Variants in CCDC77 observed in about 807,000 individuals in gnomAD.
The protein encoded by CCDC77 is coiled-coil domain-containing protein 77.
A neutral mutation model predicts 66.8 loss-of-function variants in CCDC77; 56 were observed. The observed-to-expected ratio is 0.84, with a 90% CI of 0.68 to 1.05. The LOEUF is 1.05. Among genes scored for constraint, CCDC77 ranks in the 50% least tolerant of loss-of-function variants. The pLI is 0.00. For missense variants in CCDC77, 570 were observed against 576.8 expected, an observed-to-expected ratio of 0.99 and a Z score of 0.12; for synonymous variants, 196 against 195.2, an observed-to-expected ratio of 1.00 and a Z score of -0.03.
At chr12:411,096 T>C (rs1450687672) in intron 3 of CCDC77, among the ~76,000 whole-genome samples, 1 of 152,136 alleles carries the variant, frequency 6.6e-6, no homozygotes, top group Non-Finnish European at 1.5e-5. Context: ...CTAACATGTA[T>C]TTTGAATCCA....
At chr12:412,515 A>AG (rs1945132837) in intron 4 of CCDC77, among the ~76,000 whole-genome samples, 2 of 152,078 alleles carry the variant, frequency 1.3e-5, no homozygotes, top group African/African-American at 4.8e-5. Flanking sequence ...CTTTGTTGTG[A>AG]GGGGTTGTCC....
Position 407,276 on chromosome 12 carries a change from A to C in CCDC77, c.-17+1712A>C, listed in dbSNP as rs117478956. 1.9e-4 allele frequency among the ~76,000 whole-genome samples: 29 copies of C among 152,130 alleles called. No individual in the cohort carries two copies. The East Asian group carries it at 2.7e-3, about 14-fold the overall frequency. Reference sequence around the variant, plus strand: ...TGGGTCGTGTGTGGCATGTAAGACAAAGAGAGGAGTAAAATTTCTTAAACC... The same window carrying C: ...TGGGTCGTGTGTGGCATGTAAGACACAGAGAGGAGTAAAATTTCTTAAACC... On this transcript the variant is annotated intron_variant, in intron 2 of 12. Transcript: ENST00000239830.
chr12:398,700 A>T (rs573615815), upstream of CCDC77, among the ~76,000 whole-genome samples: 3 of 151,826 alleles, frequency 2.0e-5, no homozygotes, highest in South Asian at 6.3e-4. Context: ...GTTATTATTG[A>T]TATTGACCTC....
intron 5 of CCDC77, 81 bp from the exon 6 acceptor site, chr12:428,685 ATAG>A (rs1945583785): frequency 1.1e-5 from 10 of 885,152 alleles, no homozygotes; most frequent in Non-Finnish European, 1.6e-5. Flanking sequence ...TAAAAAAAAA[ATAG>A]AAGGGAGATC....
chr12:428,715 G>A (rs1945584575), intron 5 of CCDC77, 54 bp from the exon 6 acceptor site: 3 of 1,215,952 alleles, frequency 2.5e-6, no homozygotes, highest in East Asian at 5.0e-5. Context: ...ACAGAAAAAG[G>A]TTACTTACTT....
intron 5 of CCDC77, among the ~76,000 whole-genome samples, chr12:428,151 C>T (rs557576797): frequency 6.8e-4 from 104 of 152,204 alleles, no homozygotes; most frequent in African/African-American, 2.3e-3. Flanking sequence ...GCAGAATGAG[C>T]CCATCAGCCC....
rs149071409 is a variant in CCDC77, at chr12:426,154, C to T, written c.414-2615C>T. Among the ~76,000 whole-genome samples, 773 of 152,298 alleles carry T rather than the reference C, an allele frequency of 5.1e-3. 5 individuals are homozygous for T. Among genetic ancestry groups the T allele is most frequent in the African/African-American group, 0.015 (641 of 41,568 alleles). On this transcript the variant is annotated intron_variant, in intron 5 of 12. Transcript: ENST00000239830. ...CTGGGATTACAGGTGTGAGCTACCG[C>T]GCCCAGCCCAGATTCTTTTATACTG... is the stretch of plus-strand genomic sequence containing the variant.
At chr12:423,494 G>GTTTTTTTTTTTT (rs56233976) in intron 5 of CCDC77, among the ~76,000 whole-genome samples, 1 of 35,420 alleles carries the variant, frequency 2.8e-5, no homozygotes, top group African/African-American at 1.2e-4. Flanking sequence ...TTTTTGTTTT[G>GTTTTTTTTTTTT]TTTTTTTTTT....
Position 433,162 on chromosome 12 carries a change from TGGCC to T in CCDC77, c.673-11_673-8del. ...TAGGGCTGGATTCCTCACCCCTTTTTGGCCTGTCTAGGTGGAAGCACTGCAGGCT... is the reference window on the plus strand; with the variant it reads ...TAGGGCTGGATTCCTCACCCCTTTTTTGTCTAGGTGGAAGCACTGCAGGCT... On this transcript the variant is annotated splice_polypyrimidine_tract_variant and splice_region_variant and intron_variant, in intron 8 of 12. Coordinates refer to ENST00000239830, the MANE Select transcript of CCDC77 (RefSeq NM_032358.4). The T allele has an allele frequency of 1.2e-6, 2 of 1,605,444 alleles. No homozygotes were observed. Among genetic ancestry groups the T allele is most frequent in the African/African-American group, 1.3e-5 (1 of 74,404 alleles).
intron 5 of CCDC77, among the ~76,000 whole-genome samples, chr12:428,198 A>C (rs1945570298): frequency 6.6e-6 from 1 of 152,090 alleles, no homozygotes; most frequent in Non-Finnish European, 1.5e-5. Context: ...CTCAGCAGCC[A>C]CTACCATTCC....
intron 4 of CCDC77, among the ~76,000 whole-genome samples, chr12:414,867 T>TGTA (rs1945192476): frequency 6.6e-6 from 1 of 152,196 alleles, no homozygotes; most frequent in Admixed American, 6.5e-5. Context: ...ACTGTGACGG[T>TGTA]GTCCTCCTTG....
intron 5 of CCDC77, among the ~76,000 whole-genome samples, chr12:422,521 A>G (rs558576735): frequency 6.6e-6 from 1 of 152,360 alleles, no homozygotes; most frequent in South Asian, 2.1e-4. Flanking sequence ...AAGTGGAATC[A>G]TACAGTATTT....
intron 1 of CCDC77, among the ~76,000 whole-genome samples, chr12:394,296 T>C (rs1944799025): frequency 6.6e-6 from 1 of 152,228 alleles, no homozygotes; most frequent in Admixed American, 6.5e-5. Flanking sequence ...TCTTCTTACT[T>C]CATCGCACAG....
At chr12:391,316 G>A (rs1405602250) in intron 1 of CCDC77, among the ~76,000 whole-genome samples, 3 of 152,116 alleles carry the variant, frequency 2.0e-5, no homozygotes, top group African/African-American at 7.2e-5. Flanking sequence ...TAGCCCAGGC[G>A]TGGTGGCAGG....
At chr12:438,652 C>A in intron 10 of CCDC77, 98 bp downstream of exon 10, 2 of 887,946 alleles carry the variant, frequency 2.3e-6, no homozygotes, top group Non-Finnish European at 3.5e-6. Flanking sequence ...CCATTCAGTC[C>A]AGGAAGCTCT....
intron 9 of CCDC77, chr12:433,525 C>T: frequency 1.6e-6 from 2 of 1,272,508 alleles, no homozygotes; most frequent in Non-Finnish European, 1.0e-6. Flanking sequence ...GAGTATTTCA[C>T]GTGCTCCTTT....
In CCDC77 at chr12:415,351, ACAT is replaced by A. The variant is rs1201745546; in HGVS notation, c.271-3142_271-3140del. Among the ~76,000 whole-genome samples the A allele has an allele frequency of 5.7e-5, 7 of 123,016 alleles. 1 individual carries two copies. Among genetic ancestry groups the A allele is most frequent in the Non-Finnish European group, 3.4e-5 (2 of 58,534 alleles). The allele number at this position is 123,016 out of a possible 152,430, so 80.7% of individuals were successfully genotyped here. A position where few individuals can be genotyped will look rare whatever the true frequency, so the allele number is the denominator to read the frequency against. On this transcript the variant is annotated intron_variant, in intron 4 of 12. Transcript: ENST00000239830. Reference sequence around the variant, plus strand: ...ACATAATATTATGTTAATATAATCAACATAATATTATGTTAATATAATCAACAT... The same window carrying A: ...ACATAATATTATGTTAATATAATCAAAATATTATGTTAATATAATCAACAT...
Position 442,596 on chromosome 12 carries a change from G to A in CCDC77, c.*676G>A, listed in dbSNP as rs1945876708. The A allele has an allele frequency of 6.6e-6, 1 of 152,100 alleles. No homozygotes were observed. Among genetic ancestry groups the A allele is most frequent in the Admixed American group, 6.6e-5 (1 of 15,264 alleles). 9.4% of individuals were successfully genotyped at this position (152,100 alleles called of 1,614,324 possible). ...AGTCACATGGCTTTTGAAAAATGAT[G>A]TATATATTTTAAATTAACTATTTTC... On this transcript the variant is annotated 3_prime_UTR_variant, in exon 13 of 13. Coordinates refer to ENST00000239830, the MANE Select transcript of CCDC77 (RefSeq NM_032358.4).
chr12:425,139 C>T lies in CCDC77; in HGVS notation c.414-3630C>T, dbSNP rs533178707. ...AGAGACAGGGTTTTTCCATATTGCC[C>T]AGGCTGATCTCGAAGTCCTGAGCTC... is the stretch of plus-strand genomic sequence containing the variant. On this transcript the variant is annotated intron_variant, in intron 5 of 12. Coordinates refer to ENST00000239830, the MANE Select transcript of CCDC77 (RefSeq NM_032358.4). Among the ~76,000 whole-genome samples, 6 of 151,394 alleles carry T rather than the reference C, an allele frequency of 4.0e-5. No individual in the cohort carries two copies. In the South Asian group the frequency reaches 1.2e-3, roughly 31 times the overall value.
Sources: allele counts gnomAD v4.1 joint callset (sites outside exome capture counted in the v4.1 genomes callset), GRCh38; gene constraint gnomAD v4.1.1; transcripts MANE v1.5; gene names NCBI Gene and HGNC (gene_info 2026-07-23, HGNC 2026-07-21).